NTN4: variants seen among roughly 807,000 people sequenced by gnomAD.
The protein encoded by NTN4 is netrin 4.
A neutral mutation model predicts 73.6 loss-of-function variants in NTN4; 32 were observed. The ratio of observed to expected loss-of-function variants is 0.44; its 90% CI spans 0.33 to 0.58. The LOEUF (loss-of-function observed/expected upper bound fraction) is 0.58, where lower values mean the gene tolerates loss of function less well. NTN4 is among the 20% of genes least tolerant of loss of function. The pLI is 0.04. For synonymous variants in NTN4, 258 were observed against 287.5 expected, an observed-to-expected ratio of 0.90 and a Z score of 1.04; for missense variants, 654 against 798.3, an observed-to-expected ratio of 0.82 and a Z score of 2.18.
chr12:95,681,747 A>G (rs1362971), intron 7 of NTN4, among the ~76,000 whole-genome samples: 63,730 of 152,038 alleles, frequency 0.42, 14,155 homozygotes, highest in African/African-American at 0.58. Flanking sequence ...AGGGAAATTG[A>G]GTCAGAGGAA....
At chr12:95,777,165 T>G (rs1168935384) in intron 2 of NTN4, among the ~76,000 whole-genome samples, 2 of 152,244 alleles carry the variant, frequency 1.3e-5, no homozygotes, top group South Asian at 4.1e-4. Context: ...AAGGAAGCAC[T>G]AAACATGGAA....
chr12:95,765,050 A>G (rs10735333), intron 2 of NTN4, among the ~76,000 whole-genome samples: 123,811 of 152,200 alleles, frequency 0.81, 50,650 homozygotes, highest in South Asian at 0.9. Flanking sequence ...TCCTTCATGA[A>G]TCTGAAATAC....
chr12:95,710,355 CT>C (rs200069701), intron 5 of NTN4, 85 bp downstream of exon 5: 11,897 of 1,102,198 alleles, frequency 0.011, 115 homozygotes, highest in African/African-American at 0.035. Context: ...CAATGACCTC[CT>C]TCTTTTGGGT....
chr12:95,670,379 C>T lies in NTN4; in HGVS notation c.1511-233G>A, dbSNP rs550732132. 12 of 355,002 alleles carry T rather than the reference C, an allele frequency of 3.4e-5. No homozygotes were observed. In the South Asian group the frequency reaches 9.6e-4, roughly 28 times the overall value. 22.0% of individuals were successfully genotyped at this position (355,002 alleles called of 1,614,324 possible). A position where few individuals can be genotyped will look rare whatever the true frequency, so the allele number is the denominator to read the frequency against. On this transcript the variant is annotated intron_variant, in intron 7 of 9. Transcript: ENST00000343702. ...CCAAGAGAAATACAGAAGGTAGAAACAGTGATGTATTTCAATGCTTGTAAT... is the reference window on the plus strand; with the variant it reads ...CCAAGAGAAATACAGAAGGTAGAAATAGTGATGTATTTCAATGCTTGTAAT...
chr12:95,782,938 C>T (rs1430807828), intron 2 of NTN4, among the ~76,000 whole-genome samples: 2 of 152,202 alleles, frequency 1.3e-5, no homozygotes, highest in East Asian at 1.9e-4. Flanking sequence ...GACTGTGTGG[C>T]ATCTAAGACG....
At chr12:95,733,363 T>G (rs2078752285) in intron 3 of NTN4, among the ~76,000 whole-genome samples, 2 of 152,172 alleles carry the variant, frequency 1.3e-5, no homozygotes, top group South Asian at 4.1e-4. Flanking sequence ...TGTAAACATG[T>G]CAAACAGCAC....
rs564563671 is a variant in NTN4, at chr12:95,789,528, C to G, written c.55+727G>C. Among the ~76,000 whole-genome samples the G allele has an allele frequency of 2.6e-5, 4 of 152,230 alleles. No homozygotes were observed. The East Asian group carries it at 7.7e-4, about 29-fold the overall frequency. ...CAGGAGCCGGTGGCCTAGGGCAGCC[C>G]AAGAAAGCCAGGATGGGAGTGGGAG... On this transcript the variant is annotated intron_variant, in intron 1 of 9. Coordinates refer to ENST00000343702, the MANE Select transcript of NTN4 (RefSeq NM_021229.4). This position sits in a 1 kb window ranked among gnomAD's most constrained non-coding sequence, Gnocchi z 4.0.
At chr12:95,683,854 A>G (rs1335971392) in intron 5 of NTN4, 143 bp from the exon 6 acceptor site, 2 of 617,698 alleles carry the variant, frequency 3.2e-6, no homozygotes, top group South Asian at 2.0e-5. Flanking sequence ...GTGTATGCTC[A>G]GAGAATGAAA....
At chr12:95,732,663 T>C (rs2078747296) in intron 3 of NTN4, among the ~76,000 whole-genome samples, 1 of 152,254 alleles carries the variant, frequency 6.6e-6, no homozygotes, top group East Asian at 1.9e-4. Flanking sequence ...CCTCCGAAAG[T>C]GCTGGGATTA....
intron 3 of NTN4, among the ~76,000 whole-genome samples, chr12:95,719,489 T>C (rs1319068803): frequency 6.6e-6 from 1 of 152,166 alleles, no homozygotes. Flanking sequence ...AAAAACTGAT[T>C]AATTTCTAAA....
chr12:95,696,235 T>A (rs2078441060), intron 5 of NTN4, among the ~76,000 whole-genome samples: 1 of 152,144 alleles, frequency 6.6e-6, no homozygotes, highest in Non-Finnish European at 1.5e-5. Flanking sequence ...TAACACTTAT[T>A]ATAGCTTTTA....
chr12:95,786,824 A>G, intron 2 of NTN4, 115 bp downstream of exon 2: 4 of 807,462 alleles, frequency 5.0e-6, no homozygotes, highest in Non-Finnish European at 7.8e-6. Flanking sequence ...ATCTCATGAA[A>G]AATTCTAATT....
chr12:95,739,268 G>A (rs1347889096), intron 2 of NTN4, among the ~76,000 whole-genome samples: 3 of 152,148 alleles, frequency 2.0e-5, no homozygotes, highest in East Asian at 1.9e-4. Flanking sequence ...TGAATTTCAC[G>A]TTAAACACCA....
At chr12:95,746,061 G>C (rs1008225448) in intron 2 of NTN4, among the ~76,000 whole-genome samples, 3 of 151,974 alleles carry the variant, frequency 2.0e-5, no homozygotes, top group Admixed American at 6.6e-5. Flanking sequence ...ACCTAGACTT[G>C]TTTCCACCTG....
At chr12:95,786,738 C>G (rs2079169879) in intron 2 of NTN4, among the ~76,000 whole-genome samples, 1 of 152,084 alleles carries the variant, frequency 6.6e-6, no homozygotes, top group Non-Finnish European at 1.5e-5. Flanking sequence ...CTGACTTAAA[C>G]CCAGCCAGTG....
At chr12:95,678,545 C>T (rs2078292060) in intron 7 of NTN4, among the ~76,000 whole-genome samples, 1 of 151,926 alleles carries the variant, frequency 6.6e-6, no homozygotes, top group Non-Finnish European at 1.5e-5. Flanking sequence ...GGCTACCTAT[C>T]AAAAATCGAT....
chr12:95,733,332 T>C (rs2078752079), intron 3 of NTN4, among the ~76,000 whole-genome samples: 1 of 152,184 alleles, frequency 6.6e-6, no homozygotes, highest in South Asian at 2.1e-4. Context: ...ACAGTTTTCC[T>C]TGCCACAAAA....
At chr12:95,676,409 G>A (rs1321721393) in intron 7 of NTN4, among the ~76,000 whole-genome samples, 11 of 149,700 alleles carry the variant, frequency 7.3e-5, no homozygotes, top group East Asian at 4.2e-4. Context: ...GCCCAGCCCC[G>A]GGTAAAAAAA....
chr12:95,712,555 C>T (rs1446397028), intron 4 of NTN4, among the ~76,000 whole-genome samples: 1 of 152,154 alleles, frequency 6.6e-6, no homozygotes, highest in Non-Finnish European at 1.5e-5. Flanking sequence ...TTCACCATCT[C>T]AGCAATGAGA....
Sources: allele counts gnomAD v4.1 joint callset (sites outside exome capture counted in the v4.1 genomes callset), GRCh38; gene constraint gnomAD v4.1.1; non-coding constraint Gnocchi (gnomAD v3.1); transcripts MANE v1.5; gene names NCBI Gene and HGNC (gene_info 2026-07-23, HGNC 2026-07-21).